Variants in IP6K3 observed in about 807,000 individuals in gnomAD.
IP6K3 encodes inositol hexakisphosphate kinase 3.
IP6K3 carries 20 observed loss-of-function variants against 28.8 expected under a neutral mutation model. The ratio of observed to expected loss-of-function variants is 0.70; its 90% CI spans 0.49 to 1.01. The LOEUF is 1.01. IP6K3 is among the 50% of genes least tolerant of loss of function. IP6K3 has a pLI of 0.00. For synonymous variants in IP6K3, 213 were observed against 221.3 expected, an observed-to-expected ratio of 0.96 and a Z score of 0.33; for missense variants, 480 against 537.1, an observed-to-expected ratio of 0.89 and a Z score of 1.05.
chr6:33,745,757 G>C (rs993908043), intron 1 of IP6K3, among the ~76,000 whole-genome samples: 2 of 152,174 alleles, frequency 1.3e-5, no homozygotes, highest in Admixed American at 6.5e-5. Flanking sequence ...GTGGACAGTG[G>C]GTTATGTGAG....
intron 2 of IP6K3, among the ~76,000 whole-genome samples, 197 bp downstream of exon 2, chr6:33,735,081 G>A (rs907416662): frequency 6.6e-6 from 1 of 152,180 alleles, no homozygotes. Flanking sequence ...AAACCAAACG[G>A]CATTACACTC....
upstream of IP6K3, among the ~76,000 whole-genome samples, chr6:33,751,496 G>GTGTA (rs1439389699): frequency 1.7e-5 from 2 of 120,170 alleles, no homozygotes; most frequent in African/African-American, 2.7e-5. The surrounding 1 kb of genome is among the most constrained non-coding windows in gnomAD (Gnocchi z 4.3). Context: ...GTGTGTGTGT[G>GTGTA]TGTGTGTGTG....
In IP6K3 at chr6:33,733,440, CA is replaced by C. The variant is rs745777839; in HGVS notation, c.199+1837del. On this transcript the variant is annotated intron_variant, in intron 2 of 5. Transcript: ENST00000293756. ...TGGGGAGCAGAGGAGGGGATGAGGA[CA>C]GCCTCCTGAAGGCCAGGCCAGCCTC... Among the ~76,000 whole-genome samples, 6 of 152,368 alleles carry C rather than the reference CA, an allele frequency of 3.9e-5. No individual in the cohort carries two copies. The East Asian group carries it at 5.8e-4, about 15-fold the overall frequency.
intron 1 of IP6K3, among the ~76,000 whole-genome samples, chr6:33,741,726 C>T (rs373403033): frequency 3.5e-5 from 5 of 143,636 alleles, no homozygotes; most frequent in South Asian, 2.2e-4. Context: ...CCAAGGTGGG[C>T]GGATCACCTG....
In IP6K3 at chr6:33,722,512, T is replaced by G; in HGVS notation, c.*208A>C. 4.2e-6 allele frequency: 2 copies of G among 477,678 alleles called. No individual in the cohort carries two copies. The highest frequency in any genetic ancestry group is 3.2e-5 in the South Asian group (1 of 31,230). The allele number at this position is 477,678 out of a possible 1,614,324, so 29.6% of individuals were successfully genotyped here. On this transcript the variant is annotated 3_prime_UTR_variant, in exon 6 of 6. Transcript: ENST00000293756. ...CTGTCTGTTCTCCGATGAGCAGCAT[T>G]AGAGCATAATGCCAGGGGATGTGGA...
chr6:33,740,660 C>T (rs1766686040), intron 1 of IP6K3, among the ~76,000 whole-genome samples: 1 of 152,224 alleles, frequency 6.6e-6, no homozygotes, highest in African/African-American at 2.4e-5. Flanking sequence ...CAGATGCCAC[C>T]CATCAAGCCG....
rs113375013 is a variant in IP6K3, at chr6:33,744,207, C to T, written c.-180+2551G>A. Among the ~76,000 whole-genome samples, 28 of 152,172 alleles carry T rather than the reference C, an allele frequency of 1.8e-4. No homozygotes were observed. The highest frequency in any genetic ancestry group is 3.8e-4 in the Non-Finnish European group (26 of 68,038). ...CCCTCCCAGCCATGCTTTTCTCCTC[C>T]GGACTTTGCCTCTTGAAGCTGCACC... is the stretch of plus-strand genomic sequence containing the variant. On this transcript the variant is annotated intron_variant, in intron 1 of 5. Transcript: ENST00000293756. The surrounding 1 kb of genome is among the most constrained non-coding windows in gnomAD (Gnocchi z 4.4).
rs1766836469 is a variant in IP6K3, at chr6:33,744,475, CATGT to C, written c.-180+2279_-180+2282del. 6.6e-6 allele frequency among the ~76,000 whole-genome samples: 1 copy of C among 152,060 alleles called. No homozygotes were observed. Among genetic ancestry groups the C allele is most frequent in the Non-Finnish European group, 1.5e-5 (1 of 67,996 alleles). On this transcript the variant is annotated intron_variant, in intron 1 of 5. Coordinates refer to ENST00000293756, the MANE Select transcript of IP6K3 (RefSeq NM_054111.5). This position sits in a 1 kb window ranked among gnomAD's most constrained non-coding sequence, Gnocchi z 4.4. The stretch of plus-strand genomic sequence containing the variant: ...TAATGGGATGGAGTGTGTGTGCGTG[CATGT>C]GTTTGTATGTTTGTGTGAGTGTGTG...
the IP6K3 span, among the ~76,000 whole-genome samples, chr6:33,754,517 G>A: frequency 1.3e-5 from 2 of 152,198 alleles, no homozygotes; most frequent in African/African-American, 4.8e-5. Context: ...TGCAGCTGGG[G>A]GCTGCCAGCC....
At chr6:33,729,497 G>T (rs1456788207) in intron 2 of IP6K3, among the ~76,000 whole-genome samples, 1 of 152,152 alleles carries the variant, frequency 6.6e-6, no homozygotes, top group African/African-American at 2.4e-5. Context: ...GGGGGCACTG[G>T]CAGGAGATGG....
chr6:33,752,706 A>C, the IP6K3 span, among the ~76,000 whole-genome samples: 1 of 152,110 alleles, frequency 6.6e-6, no homozygotes, highest in African/African-American at 2.4e-5. Flanking sequence ...TGCTGCACAG[A>C]ATCCAGGCTG....
chr6:33,745,296 G>A (rs972422593), intron 1 of IP6K3, among the ~76,000 whole-genome samples: 7 of 152,198 alleles, frequency 4.6e-5, no homozygotes, highest in Non-Finnish European at 8.8e-5. Flanking sequence ...GCCAGGGGGT[G>A]GGCTTGGCCT....
In IP6K3 at chr6:33,728,067, A is replaced by G. The variant is rs1766182071; in HGVS notation, c.413+20T>C. 1 of 1,598,006 alleles carries G rather than the reference A, an allele frequency of 6.3e-7. No individual in the cohort carries two copies. Among genetic ancestry groups the G allele is most frequent in the African/African-American group, 1.3e-5 (1 of 74,984 alleles). ...CCTGCCGAGGGACAGGGTTTCTGTC[A>G]TCCTGCCCAGTGCCCTCACCTCTCC... On this transcript the variant is annotated intron_variant, in intron 3 of 5. Transcript: ENST00000293756.
At chr6:33,738,230 G>T (rs1766596447) in intron 1 of IP6K3, among the ~76,000 whole-genome samples, 1 of 152,018 alleles carries the variant, frequency 6.6e-6, no homozygotes, top group African/African-American at 2.4e-5. Flanking sequence ...CTTGGAAGGG[G>T]CAAGACTCCT....
rs914214621 is a variant in IP6K3 at position 33,744,229 on chromosome 6, C to T, written c.-180+2529G>A. Among the ~76,000 whole-genome samples the T allele has an allele frequency of 6.6e-6, 1 of 152,212 alleles. No homozygotes were observed. Reference sequence around the variant, plus strand: ...CTCCGGACTTTGCCTCTTGAAGCTGCACCCAGGATTTTGGATATTGCTAAA... The same window carrying T: ...CTCCGGACTTTGCCTCTTGAAGCTGTACCCAGGATTTTGGATATTGCTAAA... On this transcript the variant is annotated intron_variant, in intron 1 of 5. Coordinates refer to ENST00000293756, the MANE Select transcript of IP6K3 (RefSeq NM_054111.5). This position sits in a 1 kb window ranked among gnomAD's most constrained non-coding sequence, Gnocchi z 4.4.
the IP6K3 span, among the ~76,000 whole-genome samples, chr6:33,761,979 C>A: frequency 6.6e-6 from 1 of 152,154 alleles, no homozygotes; most frequent in Non-Finnish European, 1.5e-5. Flanking sequence ...TCAGCCCTAG[C>A]ACAGAGGGCT....
intron 1 of IP6K3, among the ~76,000 whole-genome samples, chr6:33,743,612 C>A (rs1766805222): frequency 6.6e-6 from 1 of 152,144 alleles, no homozygotes; most frequent in Non-Finnish European, 1.5e-5. Flanking sequence ...AAAATCCATT[C>A]TAAAAATGAC....
At chr6:33,726,275 T>C (rs966674581) in intron 4 of IP6K3, among the ~76,000 whole-genome samples, 4 of 152,110 alleles carry the variant, frequency 2.6e-5, no homozygotes, top group African/African-American at 9.7e-5. Context: ...CACACTTCCC[T>C]CTCACTGTGT....
At chr6:33,754,668 G>T in the IP6K3 span, among the ~76,000 whole-genome samples, 1 of 152,088 alleles carries the variant, frequency 6.6e-6, no homozygotes, top group Non-Finnish European at 1.5e-5. Context: ...TGTTCTCTGG[G>T]CATCCCACTC....
Sources: allele counts gnomAD v4.1 joint callset (sites outside exome capture counted in the v4.1 genomes callset), GRCh38; gene constraint gnomAD v4.1.1; non-coding constraint Gnocchi (gnomAD v3.1); transcripts MANE v1.5; gene names NCBI Gene and HGNC (gene_info 2026-07-23, HGNC 2026-07-21).